The following CALN1 variants were observed in gnomAD, a reference collection of about 807,000 sequenced individuals.
CALN1 encodes the protein calcium-binding protein 8.
Under a neutral mutation model 30.6 loss-of-function variants are expected in CALN1, and 17 were observed. The ratio of observed to expected loss-of-function variants is 0.56; its 90% confidence interval spans 0.38 to 0.83. The LOEUF (loss-of-function observed/expected upper bound fraction) is 0.83, where lower values mean the gene tolerates loss of function less well. Ranked by LOEUF, CALN1 falls within the 40% of genes least tolerant of loss-of-function variation. The pLI is 0.00. For synonymous variants in CALN1, 156 were observed against 131.4 expected, an observed-to-expected ratio of 1.19 and a Z score of -1.28; for missense variants, 291 against 354.9, an observed-to-expected ratio of 0.82 and a Z score of 1.45.
chr7:72,371,047 C>CAAAAA (rs35918896), intron 2 of CALN1, among the ~76,000 whole-genome samples: 1 of 91,536 alleles, frequency 1.1e-5, no homozygotes, highest in Non-Finnish European at 2.1e-5. Flanking sequence ...AATTAAGTCT[C>CAAAAA]AAAAAAAAAA....
intron 2 of CALN1, among the ~76,000 whole-genome samples, chr7:72,334,116 G>C (rs1801847225): frequency 6.6e-6 from 1 of 152,296 alleles, no homozygotes; most frequent in South Asian, 2.1e-4. Context: ...CGAAGAATGA[G>C]GATGACATGA....
chr7:72,280,327 C>T (rs866809332), intron 2 of CALN1, among the ~76,000 whole-genome samples: 5 of 152,152 alleles, frequency 3.3e-5, no homozygotes, highest in Admixed American at 2.6e-4. Context: ...CCCATCCCCT[C>T]GCCCTTAACT....
the CALN1 span, among the ~76,000 whole-genome samples, chr7:72,465,514 T>G: frequency 1.7e-3 from 254 of 152,182 alleles, 1 homozygote; most frequent in African/African-American, 5.9e-3. Flanking sequence ...TCTTTTCCAC[T>G]CAAACCCACC....
chr7:72,410,894 T>C (rs929861957), intron 1 of CALN1, among the ~76,000 whole-genome samples: 1 of 152,172 alleles, frequency 6.6e-6, no homozygotes, highest in Admixed American at 6.5e-5. Context: ...CTATTAACAC[T>C]GTATTGTAGG....
chr7:72,153,624 G>C (rs557864022), intron 3 of CALN1, among the ~76,000 whole-genome samples: 11 of 152,208 alleles, frequency 7.2e-5, no homozygotes, highest in African/African-American at 2.6e-4. Context: ...CAAGGCTGCA[G>C]TGAGCCATGA....
the CALN1 span, among the ~76,000 whole-genome samples, chr7:72,479,071 G>T: frequency 1.3e-5 from 2 of 151,856 alleles, no homozygotes; most frequent in African/African-American, 4.8e-5. Context: ...TAGTAGAGAT[G>T]GGGTTTCACC....
intron 5 of CALN1, among the ~76,000 whole-genome samples, chr7:71,881,397 C>A (rs1198839268): frequency 6.6e-6 from 1 of 152,122 alleles, no homozygotes; most frequent in African/African-American, 2.4e-5. Flanking sequence ...TAGAAAACCC[C>A]AACACATACA....
intron 5 of CALN1, among the ~76,000 whole-genome samples, chr7:71,954,516 G>A (rs938708584): frequency 6.6e-6 from 1 of 152,084 alleles, no homozygotes. Flanking sequence ...GCTGGGCATA[G>A]TGGTGTGCAT....
At chr7:72,175,922 A>G (rs1242931223) in intron 3 of CALN1, among the ~76,000 whole-genome samples, 1 of 152,116 alleles carries the variant, frequency 6.6e-6, no homozygotes, top group African/African-American at 2.4e-5. Flanking sequence ...CCTAATAAGC[A>G]TATTCCTTTC....
intron 2 of CALN1, among the ~76,000 whole-genome samples, chr7:72,400,892 G>A (rs950728949): frequency 6.6e-6 from 1 of 152,114 alleles, no homozygotes; most frequent in Non-Finnish European, 1.5e-5. Flanking sequence ...GGCTCTGGGA[G>A]GTGTGAAAGT....
chr7:72,332,938 C>G (rs1801770703), intron 2 of CALN1, among the ~76,000 whole-genome samples: 1 of 152,206 alleles, frequency 6.6e-6, no homozygotes, highest in Non-Finnish European at 1.5e-5. Context: ...TCTCCAGCCA[C>G]AACTGACCAT....
chr7:72,245,645 A>C (rs938939176), intron 3 of CALN1, among the ~76,000 whole-genome samples: 1 of 151,682 alleles, frequency 6.6e-6, no homozygotes. Context: ...TAAATAAATA[A>C]ATAAATAAAT....
chr7:71,897,114 T>C (rs1793571395), intron 5 of CALN1, among the ~76,000 whole-genome samples: 1 of 152,144 alleles, frequency 6.6e-6, no homozygotes, highest in Non-Finnish European at 1.5e-5. Flanking sequence ...AATGTGTTCA[T>C]CCACCAACAC....
chr7:72,202,996 C>T (rs962890908), intron 3 of CALN1, among the ~76,000 whole-genome samples: 1 of 152,160 alleles, frequency 6.6e-6, no homozygotes, highest in African/African-American at 2.4e-5. Flanking sequence ...CCATGGAATA[C>T]TATGCAGCCA....
chr7:71,792,523 T>C (rs1786629648), intron 6 of CALN1, among the ~76,000 whole-genome samples: 1 of 152,108 alleles, frequency 6.6e-6, no homozygotes, highest in African/African-American at 2.4e-5. Flanking sequence ...TCTCAGAATC[T>C]TACAAGTTCT....
At chr7:72,443,432 C>T (rs984379914) in intron 1 of CALN1, among the ~76,000 whole-genome samples, 3 of 152,170 alleles carry the variant, frequency 2.0e-5, no homozygotes, top group Non-Finnish European at 4.4e-5. Flanking sequence ...CACCCCGGGT[C>T]CCTTAGGATC....
chr7:72,118,301 A>G (rs1280675731), intron 3 of CALN1, among the ~76,000 whole-genome samples: 2 of 152,192 alleles, frequency 1.3e-5, no homozygotes, highest in African/African-American at 4.8e-5. Context: ...TCAAAATCAC[A>G]TCTTTAATGG....
At chr7:72,434,235 G>A (rs1808065913) in intron 1 of CALN1, among the ~76,000 whole-genome samples, 1 of 151,462 alleles carries the variant, frequency 6.6e-6, no homozygotes, top group Non-Finnish European at 1.5e-5. Context: ...AGGCACAGTG[G>A]CTCATGCCTG....
At chr7:71,806,250 G>GCACA (rs748073948) in intron 6 of CALN1, among the ~76,000 whole-genome samples, 6 of 109,170 alleles carry the variant, frequency 5.5e-5, no homozygotes, top group African/African-American at 2.0e-4. Flanking sequence ...GTGCACGCAT[G>GCACA]CACACACACA....
Sources: allele counts gnomAD v4.1 joint callset (sites outside exome capture counted in the v4.1 genomes callset), GRCh38; gene constraint gnomAD v4.1.1; transcripts MANE v1.5; gene names NCBI Gene and HGNC (gene_info 2026-07-23, HGNC 2026-07-21).